The following PTPN2 variants were observed in gnomAD, a reference collection of about 807,000 sequenced individuals.
PTPN2 encodes protein tyrosine phosphatase non-receptor type 2.
PTPN2 carries 19 observed loss-of-function variants against 57.3 expected under a neutral mutation model. The observed-to-expected ratio is 0.33, with a 90% CI of 0.23 to 0.49. The LOEUF is 0.49. PTPN2 is among the 20% of genes least tolerant of loss of function. PTPN2 has a pLI of 0.99. For missense variants in PTPN2, 358 were observed against 501.1 expected, an observed-to-expected ratio of 0.71 and a Z score of 2.73; for synonymous variants, 153 against 164.9, an observed-to-expected ratio of 0.93 and a Z score of 0.55.
chr18:12,804,938 A>G (rs1364269927), intron 7 of PTPN2, among the ~76,000 whole-genome samples: 1 of 152,208 alleles, frequency 6.6e-6, no homozygotes, highest in Non-Finnish European at 1.5e-5. Flanking sequence ...ACAGGCCAAT[A>G]TCCTTGATGA....
chr18:12,795,934 A>C (rs1344128936), intron 8 of PTPN2, among the ~76,000 whole-genome samples: 1 of 143,978 alleles, frequency 6.9e-6, no homozygotes, highest in African/African-American at 2.6e-5. Context: ...CTTGATTTAA[A>C]ATCTTTTTTT....
chr18:12,837,993 T>A (rs1357161128), intron 2 of PTPN2, among the ~76,000 whole-genome samples: 11 of 152,256 alleles, frequency 7.2e-5, no homozygotes, highest in East Asian at 1.9e-4. Flanking sequence ...GCACTTTTTT[T>A]TAAAAATCAC....
chr18:12,859,313 T>A, intron 1 of PTPN2, 59 bp from the exon 2 acceptor site: 1 of 1,187,240 alleles, frequency 8.4e-7, no homozygotes, highest in South Asian at 1.3e-5. Context: ...GCAAAACTTA[T>A]CTTCCCAGCC....
At chr18:12,858,732 C>G (rs1032649604) in intron 2 of PTPN2, among the ~76,000 whole-genome samples, 17 of 152,120 alleles carry the variant, frequency 1.1e-4, no homozygotes, top group Non-Finnish European at 1.5e-4. Flanking sequence ...TCTCTGTTTT[C>G]TAAGTTTTCT....
At chr18:12,828,463 T>C (rs960717512) in intron 4 of PTPN2, among the ~76,000 whole-genome samples, 2 of 152,184 alleles carry the variant, frequency 1.3e-5, no homozygotes, top group African/African-American at 4.8e-5. Context: ...CAGTAATTAT[T>C]TTGGTAGCAG....
intron 3 of PTPN2, among the ~76,000 whole-genome samples, chr18:12,833,462 A>T (rs1449259044): frequency 6.6e-6 from 1 of 152,174 alleles, no homozygotes; most frequent in Non-Finnish European, 1.5e-5. Flanking sequence ...AAATTAAACC[A>T]TCAGGTCTTA....
rs1004515604 is a variant in PTPN2 at position 12,793,761 on chromosome 18, G to A, written c.*517C>T. 1.1e-6 allele frequency: 1 copy of A among 939,392 alleles called. No homozygotes were observed. The highest frequency in any genetic ancestry group is 1.3e-6 in the Non-Finnish European group (1 of 787,248). 58.2% of individuals were successfully genotyped at this position (939,392 alleles called of 1,614,324 possible). A position where few individuals can be genotyped will look rare whatever the true frequency, so the allele number is the denominator to read the frequency against. The stretch of plus-strand genomic sequence containing the variant: ...TTAAAAAGTACAGTTAACTACAAAA[G>A]ATTAAATAGATACTTATAAAATATA... On this transcript the variant is annotated 3_prime_UTR_variant, in exon 9 of 9. Coordinates refer to ENST00000309660, the MANE Select transcript of PTPN2 (RefSeq NM_002828.4).
At chr18:12,798,722 G>A (rs925885742) in intron 8 of PTPN2, among the ~76,000 whole-genome samples, 3 of 152,196 alleles carry the variant, frequency 2.0e-5, no homozygotes, top group African/African-American at 7.2e-5. Flanking sequence ...ACATACGCGT[G>A]TGTTTACATC....
chr18:12,866,652 C>A (rs1354292999), intron 1 of PTPN2, among the ~76,000 whole-genome samples: 1 of 151,926 alleles, frequency 6.6e-6, no homozygotes, highest in African/African-American at 2.4e-5. Context: ...AGATTTAGTT[C>A]CACAGCTGTG....
chr18:12,882,896 ATTAAC>A (rs2044708001), intron 1 of PTPN2, among the ~76,000 whole-genome samples: 2 of 152,378 alleles, frequency 1.3e-5, no homozygotes, highest in African/African-American at 2.4e-5. Context: ...CAGAAGCAGC[ATTAAC>A]TTAACCGTCA....
chr18:12,865,455 G>A (rs990450114), intron 1 of PTPN2, among the ~76,000 whole-genome samples: 2 of 147,604 alleles, frequency 1.4e-5, no homozygotes, highest in Admixed American at 1.3e-4. Flanking sequence ...AAAAAAAAAA[G>A]AGAGAGGCGG....
chr18:12,804,701 T>G lies in PTPN2; in HGVS notation c.859-2550A>C, dbSNP rs2041576880. The stretch of plus-strand genomic sequence containing the variant: ...CGGAACCATGAAGACATAGAAAACC[T>G]GAACTGACCAATAAAGAGTGAGATT... On this transcript the variant is annotated intron_variant, in intron 7 of 8. Coordinates refer to ENST00000309660, the MANE Select transcript of PTPN2 (RefSeq NM_002828.4). Among the ~76,000 whole-genome samples the G allele has an allele frequency of 1.3e-5, 2 of 152,244 alleles. 1 individual carries two copies. The highest frequency in any genetic ancestry group is 4.2e-4 in the South Asian group (2 of 4,818).
chr18:12,789,125 T>C (rs541153567), downstream of PTPN2, among the ~76,000 whole-genome samples: 17 of 152,280 alleles, frequency 1.1e-4, no homozygotes, highest in South Asian at 3.3e-3. Context: ...CACCAAGGCA[T>C]GTCACCCCTT....
intron 2 of PTPN2, among the ~76,000 whole-genome samples, chr18:12,845,263 T>C (rs1445758458): frequency 1.3e-5 from 2 of 152,290 alleles, no homozygotes; most frequent in East Asian, 3.9e-4. Flanking sequence ...TATAGATCTA[T>C]AGAACAATTT....
chr18:12,793,150 G>A lies in PTPN2; in HGVS notation c.*1128C>T. On this transcript the variant is annotated 3_prime_UTR_variant, in exon 9 of 9. Transcript: ENST00000309660. The stretch of plus-strand genomic sequence containing the variant: ...AAGTAAGACAAATTAAACACTGAAT[G>A]GAATGTTGAAATCTGAGGAAAGCTA... The A allele has an allele frequency of 5.1e-6, 5 of 985,126 alleles. No homozygotes were observed. Among genetic ancestry groups the A allele is most frequent in the Non-Finnish European group, 6.0e-6 (5 of 829,604 alleles). The allele number at this position is 985,126 out of a possible 1,614,324, so 61.0% of individuals were successfully genotyped here.
At chr18:12,853,215 T>C (rs1055684867) in intron 2 of PTPN2, among the ~76,000 whole-genome samples, 8 of 152,222 alleles carry the variant, frequency 5.3e-5, no homozygotes, top group Admixed American at 1.3e-4. Flanking sequence ...ACTGGTGCCA[T>C]TGCAACTCAC....
At chr18:12,843,543 G>C (rs2043116392) in intron 2 of PTPN2, among the ~76,000 whole-genome samples, 1 of 151,938 alleles carries the variant, frequency 6.6e-6, no homozygotes. Flanking sequence ...AAGTGCTCTA[G>C]GGCAGACCAG....
At chr18:12,800,827 T>C (rs1320089151) in intron 8 of PTPN2, among the ~76,000 whole-genome samples, 4 of 152,222 alleles carry the variant, frequency 2.6e-5, no homozygotes, top group African/African-American at 7.2e-5. Context: ...CACTTTGCTA[T>C]GTGACTTATA....
At chr18:12,882,676 G>A (rs2044397256) in intron 1 of PTPN2, among the ~76,000 whole-genome samples, 1 of 152,200 alleles carries the variant, frequency 6.6e-6, no homozygotes, top group African/African-American at 2.4e-5. Context: ...GTCCTTACCA[G>A]CATTCTTTAA....
Sources: allele counts gnomAD v4.1 joint callset (sites outside exome capture counted in the v4.1 genomes callset), GRCh38; gene constraint gnomAD v4.1.1; transcripts MANE v1.5; gene names NCBI Gene and HGNC (gene_info 2026-07-23, HGNC 2026-07-21).